The following ESYT2 variants were observed in gnomAD, a reference collection of about 807,000 sequenced individuals.
ESYT2 encodes the protein extended synaptotagmin 2.
In ESYT2, 54 loss-of-function variants were observed where a neutral mutation model predicts 107.2. The ratio of observed to expected loss-of-function variants is 0.50; its 90% confidence interval spans 0.40 to 0.63. The LOEUF (loss-of-function observed/expected upper bound fraction) is 0.63. ESYT2 is among the 30% of genes least tolerant of loss of function. ESYT2 has a pLI of 0.00. For synonymous variants in ESYT2, 491 were observed against 434.1 expected (o/e 1.13, Z -1.63); for missense variants, 1,020 against 1,094.5 (o/e 0.93, Z 0.96).
chr7:158,796,583 G>A (rs1839465146), intron 3 of ESYT2, among the ~76,000 whole-genome samples: 1 of 152,242 alleles, frequency 6.6e-6, no homozygotes. Flanking sequence ...AGGGCGTGCT[G>A]ACAGAAGAAC....
At position 158,738,344 on chromosome 7, in the gene ESYT2, G is replaced by C. The variant is rs7802851; in HGVS notation, c.2267+679C>G. Among the ~76,000 whole-genome samples, 522 of 131,310 alleles carry C rather than the reference G, an allele frequency of 4.0e-3. 9 individuals carry two copies. Among genetic ancestry groups the C allele is most frequent in the African/African-American group, 0.013 (422 of 33,130 alleles). 86.1% of individuals were successfully genotyped at this position (131,310 alleles called of 152,430 possible). ...AAAAAAAAATACACACACACACACA[G>C]ACACACACACACACACACACACACA... On this transcript the variant is annotated intron_variant, in intron 19 of 22. Transcript: ENST00000275418.
At chr7:158,804,843 T>C (rs1365880056) in intron 1 of ESYT2, among the ~76,000 whole-genome samples, 2 of 152,028 alleles carry the variant, frequency 1.3e-5, no homozygotes, top group East Asian at 3.9e-4. Context: ...GTGAGGTGCA[T>C]GAAAAACCCA....
chr7:158,748,165 A>T (rs762252640), intron 16 of ESYT2, 29 bp downstream of exon 16: 1 of 1,597,918 alleles, frequency 6.3e-7, no homozygotes, highest in African/African-American at 1.3e-5. Flanking sequence ...ATTTGTCAAT[A>T]AATTGGTTAA....
At chr7:158,810,023 TAAC>T (rs1292547129) in intron 1 of ESYT2, among the ~76,000 whole-genome samples, 2 of 152,254 alleles carry the variant, frequency 1.3e-5, no homozygotes, top group African/African-American at 2.4e-5. Context: ...ATTTTCCTTT[TAAC>T]AACAAGTTTT....
At chr7:158,828,920 G>C (rs1761661356) in intron 1 of ESYT2, among the ~76,000 whole-genome samples, 169 bp downstream of exon 1, 1 of 151,132 alleles carries the variant, frequency 6.6e-6, no homozygotes, top group African/African-American at 2.4e-5. Flanking sequence ...CGGAAGGGAA[G>C]CGCCTGCCTG....
chr7:158,806,935 G>A (rs970023657), intron 1 of ESYT2, among the ~76,000 whole-genome samples: 2 of 152,048 alleles, frequency 1.3e-5, no homozygotes, highest in African/African-American at 4.8e-5. Context: ...GGCAATTGTA[G>A]CACTGAATTA....
rs1041904051 is a variant in ESYT2, at chr7:158,752,903, T to G, written c.1420-60A>C. On this transcript the variant is annotated intron_variant, in intron 13 of 22. Coordinates refer to ENST00000275418, the MANE Select transcript of ESYT2 (RefSeq NM_001367773.1). ...TTAATAAAACATGCAATGAAGTTTATGTAAGGTTAAAGACATGAAAATTTA... is the reference window on the plus strand; with the variant it reads ...TTAATAAAACATGCAATGAAGTTTAGGTAAGGTTAAAGACATGAAAATTTA... 31 of 1,134,790 alleles carry G rather than the reference T, an allele frequency of 2.7e-5. 1 individual carries two copies. The African/African-American group carries it at 4.8e-4, about 18-fold the overall frequency. The allele number at this position is 1,134,790 out of a possible 1,614,324, so 70.3% of individuals were successfully genotyped here.
chr7:158,748,463 T>C (rs1223247442), intron 15 of ESYT2, among the ~76,000 whole-genome samples, 183 bp from the exon 16 acceptor site: 12 of 152,188 alleles, frequency 7.9e-5, no homozygotes, highest in Non-Finnish European at 1.8e-4. Context: ...TATTATGTAT[T>C]GATGGTGGAT....
chr7:158,762,031 C>T (rs1052050822), intron 10 of ESYT2, among the ~76,000 whole-genome samples: 2 of 152,266 alleles, frequency 1.3e-5, no homozygotes, highest in Non-Finnish European at 2.9e-5. Flanking sequence ...CCCACCCTTG[C>T]TCCCAGGCTC....
At chr7:158,827,921 G>C (rs1215646518) in intron 1 of ESYT2, among the ~76,000 whole-genome samples, 1 of 152,136 alleles carries the variant, frequency 6.6e-6, no homozygotes, top group African/African-American at 2.4e-5. Context: ...GGAATGACAA[G>C]AAAAAGATTT....
At chr7:158,787,954 T>C (rs758634358) in intron 6 of ESYT2, 50 bp downstream of exon 6, 1 of 1,444,534 alleles carries the variant, frequency 6.9e-7, no homozygotes, top group Admixed American at 1.7e-5. Flanking sequence ...CACGGGTATG[T>C]ATTTTTGCCA....
chr7:158,740,790 C>T (rs908459272), intron 18 of ESYT2, among the ~76,000 whole-genome samples: 13 of 152,250 alleles, frequency 8.5e-5, no homozygotes, highest in African/African-American at 2.4e-4. Context: ...CAGAGGAGGG[C>T]GGCTGTGCAA....
At chr7:158,821,383 C>A (rs1373688129) in intron 1 of ESYT2, among the ~76,000 whole-genome samples, 1 of 152,158 alleles carries the variant, frequency 6.6e-6, no homozygotes, top group Non-Finnish European at 1.5e-5. Flanking sequence ...TAGTACAGGG[C>A]CCAACAATCC....
At chr7:158,748,749 C>T (rs1837488327) in intron 15 of ESYT2, among the ~76,000 whole-genome samples, 1 of 150,650 alleles carries the variant, frequency 6.6e-6, no homozygotes, top group South Asian at 2.1e-4. Context: ...GGGACAGAGT[C>T]TTGCTCTGTC....
In ESYT2 at chr7:158,760,102, G is replaced by C. The variant is rs1461957492; in HGVS notation, c.1279C>G (p.Leu427Val). The change falls in exon 12 of 23, where the codon CTG (leucine) becomes GTG (valine). Residue 427 changes from leucine to valine, a missense_variant. Physicochemically the swap from Leu to Val is conservative, Grantham distance 32. Transcript: ENST00000275418. ...TTTGGCATTAACGTGAGCCACTCCA[G>C]TCTCAAGTGTAGCTTCCCCTTGGGA... ...EVPKGKLHLR[L>V]EWLTLMPNAS... The C allele has an allele frequency of 3.1e-6, 5 of 1,614,092 alleles. No homozygotes were observed. The East Asian group carries it at 1.1e-4, about 36-fold the overall frequency.
chr7:158,818,639 T>C (rs1840210231), intron 1 of ESYT2, among the ~76,000 whole-genome samples: 1 of 152,204 alleles, frequency 6.6e-6, no homozygotes, highest in Non-Finnish European at 1.5e-5. Context: ...AGGACATGCC[T>C]CCCTGCCCGC....
chr7:158,763,040 G>A, intron 10 of ESYT2, 43 bp downstream of exon 10: 1 of 1,411,000 alleles, frequency 7.1e-7, no homozygotes, highest in Non-Finnish European at 9.9e-7. Context: ...CAAAAAGACT[G>A]ACCCCATGCC....
chr7:158,773,268 C>G, intron 7 of ESYT2, 73 bp downstream of exon 7: 1 of 1,531,916 alleles, frequency 6.5e-7, no homozygotes, highest in Non-Finnish European at 9.0e-7. Context: ...CATTCTCACA[C>G]TATTGTCAAG....
At chr7:158,810,646 C>T (rs771549093) in intron 1 of ESYT2, among the ~76,000 whole-genome samples, 1 of 151,780 alleles carries the variant, frequency 6.6e-6, no homozygotes, top group African/African-American at 2.4e-5. Flanking sequence ...TGCGTCACTG[C>T]GCTCCAGCCT....
Sources: allele counts gnomAD v4.1 joint callset (sites outside exome capture counted in the v4.1 genomes callset), GRCh38; gene constraint gnomAD v4.1.1; transcripts MANE v1.5; gene names NCBI Gene and HGNC (gene_info 2026-07-23, HGNC 2026-07-21).